Variants in ANO1 observed in about 807,000 individuals in gnomAD.
ANO1 encodes anoctamin 1.
Under a neutral mutation model 124.0 loss-of-function variants are expected in ANO1, and 59 were observed. The observed-to-expected ratio is 0.48, with a 90% CI of 0.39 to 0.59. ANO1 has a LOEUF of 0.59. Among genes scored for constraint, ANO1 ranks in the 20% least tolerant of loss-of-function variants. The probability of loss-of-function intolerance (pLI) is 0.00; values close to 1 mark genes in which losing one functional copy is unlikely to be tolerated. For missense variants in ANO1, 1,059 were observed against 1,328.0 expected, an observed-to-expected ratio of 0.80 and a Z score of 3.15; for synonymous variants, 529 against 532.0, an observed-to-expected ratio of 0.99 and a Z score of 0.08.
At chr11:70,117,566 T>C (rs998080517) in intron 8 of ANO1, among the ~76,000 whole-genome samples, 1 of 152,018 alleles carries the variant, frequency 6.6e-6, no homozygotes, top group Admixed American at 6.5e-5. Flanking sequence ...TCCTCTCCCA[T>C]GGGCCCACAC....
rs753957680 is a variant in ANO1 at position 70,171,076 on chromosome 11, G to A, written c.2350+37G>A. Reference sequence around the variant, plus strand: ...CACGGGCCGGCAGAACCGGTTCCGAGTGCGTGCTGGGTTTGGGGAGGGGGT... The same window carrying A: ...CACGGGCCGGCAGAACCGGTTCCGAATGCGTGCTGGGTTTGGGGAGGGGGT... On this transcript the variant is annotated intron_variant, in intron 22 of 25. Coordinates refer to ENST00000355303, the MANE Select transcript of ANO1 (RefSeq NM_018043.7). 4.4e-6 allele frequency: 7 copies of A among 1,598,560 alleles called. No homozygotes were observed. In the South Asian group the frequency reaches 4.5e-5, roughly 10 times the overall value.
chr11:70,034,937 G>T (rs900263229), intron 1 of ANO1, among the ~76,000 whole-genome samples: 1 of 151,548 alleles, frequency 6.6e-6, no homozygotes, highest in Admixed American at 6.6e-5. Flanking sequence ...TGTTCTTGCC[G>T]CATCCCAGAC....
In ANO1 at chr11:70,189,355, C is replaced by T. The variant is rs1232008364; in HGVS notation, c.*1351C>T. ...TAAAATCATGCAATCTGATGCTTCT[C>T]TTTTCTCTTGTACAGTAAGTAGTTT... On this transcript the variant is annotated 3_prime_UTR_variant, in exon 26 of 26. Coordinates refer to ENST00000355303, the MANE Select transcript of ANO1 (RefSeq NM_018043.7). 6.6e-6 allele frequency: 1 copy of T among 152,580 alleles called. No homozygotes were observed. The highest frequency in any genetic ancestry group is 1.5e-5 in the Non-Finnish European group (1 of 68,038). The allele number at this position is 152,580 out of a possible 1,614,324, so 9.5% of individuals were successfully genotyped here.
chr11:69,985,489 G>A (rs548904511), upstream of ANO1, among the ~76,000 whole-genome samples: 8 of 152,302 alleles, frequency 5.3e-5, no homozygotes, highest in Middle Eastern at 3.4e-3. Context: ...CCGCCTGGGG[G>A]AGGGGGCCAG....
At chr11:69,988,064 A>C (rs895774191) in intron 1 of ANO1, among the ~76,000 whole-genome samples, 5 of 152,342 alleles carry the variant, frequency 3.3e-5, no homozygotes, top group Admixed American at 2.6e-4. Flanking sequence ...GTTTGCTGCC[A>C]GATGCACCAT....
chr11:70,094,599 A>G (rs2044767698), intron 2 of ANO1, among the ~76,000 whole-genome samples: 1 of 152,162 alleles, frequency 6.6e-6, no homozygotes. Flanking sequence ...TTCGATCCTG[A>G]GCTGAGAGTG....
chr11:70,076,243 G>A (rs1173719221), upstream of ANO1, among the ~76,000 whole-genome samples: 1 of 152,208 alleles, frequency 6.6e-6, no homozygotes, highest in Non-Finnish European at 1.5e-5. Flanking sequence ...ACAGAAACTA[G>A]AGGTTAAGCA....
In ANO1 at chr11:70,001,482, G is replaced by T. The variant is rs147344109; in HGVS notation, c.58+15316G>T. 1.5e-4 allele frequency among the ~76,000 whole-genome samples: 23 copies of T among 152,200 alleles called. No individual in the cohort carries two copies. In the East Asian group the frequency reaches 4.5e-3, roughly 29 times the overall value. On this transcript the variant is annotated intron_variant, in intron 1 of 27. Transcript: ENST00000531349. ...TCCCATGCTCCCTTCCCACCATGCT[G>T]CCCTCTACAGCAACAGAAGGAACCA...
chr11:70,147,230 G>T (rs2047415102), intron 11 of ANO1, among the ~76,000 whole-genome samples: 2 of 152,214 alleles, frequency 1.3e-5, no homozygotes, highest in African/African-American at 4.8e-5. Context: ...AGACATCGGG[G>T]GCCTTGCAGA....
intron 1 of ANO1, among the ~76,000 whole-genome samples, chr11:70,070,634 C>T (rs114611609): frequency 1.3e-5 from 2 of 152,218 alleles, no homozygotes; most frequent in South Asian, 4.1e-4. Context: ...CAAGATCATG[C>T]CAATGCGCTC....
chr11:70,168,958 C>G (rs1210032243), intron 21 of ANO1, among the ~76,000 whole-genome samples: 1 of 152,192 alleles, frequency 6.6e-6, no homozygotes, highest in Non-Finnish European at 1.5e-5. Flanking sequence ...CTGTTTTCTC[C>G]TGGAATAAAG....
intron 20 of ANO1, 80 bp downstream of exon 20, chr11:70,165,650 G>C (rs954069087): frequency 1.7e-6 from 2 of 1,150,484 alleles, no homozygotes; most frequent in Admixed American, 2.2e-5. Flanking sequence ...CGGGGGTCTG[G>C]GTGGACGCGG....
chr11:69,988,079 C>T (rs1175053341), intron 1 of ANO1, among the ~76,000 whole-genome samples: 1 of 152,222 alleles, frequency 6.6e-6, no homozygotes, highest in Non-Finnish European at 1.5e-5. Flanking sequence ...CACCATTCCA[C>T]CGCAGTAGGC....
chr11:69,970,478 G>A, the ANO1 span, among the ~76,000 whole-genome samples: 3 of 152,188 alleles, frequency 2.0e-5, no homozygotes, highest in Admixed American at 6.5e-5. Context: ...CTGTGGTCCC[G>A]ACCAGCACGC....
At chr11:69,973,470 C>T in the ANO1 span, among the ~76,000 whole-genome samples, 2 of 152,150 alleles carry the variant, frequency 1.3e-5, no homozygotes, top group Non-Finnish European at 2.9e-5. Context: ...CTCTATTAAA[C>T]AGGAAAAATG....
intron 23 of ANO1, among the ~76,000 whole-genome samples, chr11:70,181,461 C>T (rs1261008852): frequency 2.0e-5 from 3 of 152,228 alleles, no homozygotes; most frequent in Admixed American, 6.5e-5. Context: ...GTGTGCACAC[C>T]GGGATGGCCC....
At chr11:70,092,683 C>A (rs907257892) in intron 2 of ANO1, among the ~76,000 whole-genome samples, 3 of 152,158 alleles carry the variant, frequency 2.0e-5, no homozygotes, top group Non-Finnish European at 4.4e-5. Context: ...TTGCACAAGC[C>A]AGGAGAGGCT....
chr11:70,031,944 C>G (rs1555003857), intron 1 of ANO1, among the ~76,000 whole-genome samples: 1 of 152,212 alleles, frequency 6.6e-6, no homozygotes, highest in African/African-American at 2.4e-5. Context: ...CCCTCACTGG[C>G]ACCCAACCCC....
intron 2 of ANO1, among the ~76,000 whole-genome samples, chr11:70,090,946 A>G (rs1466997347): frequency 6.6e-6 from 1 of 152,326 alleles, no homozygotes; most frequent in South Asian, 2.1e-4. Flanking sequence ...TCAAATCATA[A>G]GCTGTTTTAT....
Sources: gnomAD v4.1 joint callset for allele counts (sites outside exome capture counted in the v4.1 genomes callset) on GRCh38, gnomAD v4.1.1 for gene constraint, MANE v1.5 for transcripts, NCBI Gene and HGNC (gene_info 2026-07-23, HGNC 2026-07-21) for gene names.